Variants in PON3 observed in about 807,000 individuals in gnomAD.
The protein encoded by PON3 is paraoxonase 3.
In PON3, 37 loss-of-function variants were observed where a neutral mutation model predicts 36.3. The observed-to-expected ratio is 1.02, with a 90% confidence interval of 0.78 to 1.34. The LOEUF (loss-of-function observed/expected upper bound fraction) is 1.34. Among genes scored for constraint, PON3 ranks in the 40% most tolerant of loss-of-function variants. The pLI is 0.00. For synonymous variants in PON3, 155 were observed against 154.8 expected (o/e 1.00, Z -0.01); for missense variants, 415 against 426.5 (o/e 0.97, Z 0.24).
chr7:95,382,222 T>C (rs1809074558), intron 3 of PON3, among the ~76,000 whole-genome samples: 1 of 152,204 alleles, frequency 6.6e-6, no homozygotes, highest in Non-Finnish European at 1.5e-5. Context: ...GGGAAATTTA[T>C]AGCACTAAAT....
At chr7:95,380,502 C>A (rs1809022822) in intron 3 of PON3, among the ~76,000 whole-genome samples, 1 of 152,078 alleles carries the variant, frequency 6.6e-6, no homozygotes, top group Non-Finnish European at 1.5e-5. Context: ...CAGAGAAGTC[C>A]TTAAAGGACC....
intron 3 of PON3, among the ~76,000 whole-genome samples, chr7:95,388,376 A>T (rs187917013): frequency 2.6e-4 from 40 of 152,368 alleles, no homozygotes; most frequent in Non-Finnish European, 5.0e-4. Flanking sequence ...ATGTAAATGA[A>T]AACCACAATG....
chr7:95,369,452 T>G (rs1808762387), intron 4 of PON3, among the ~76,000 whole-genome samples: 1 of 152,022 alleles, frequency 6.6e-6, no homozygotes, highest in African/African-American at 2.4e-5. Context: ...GGAAAGAAAA[T>G]TCCTATCCTT....
intron 3 of PON3, among the ~76,000 whole-genome samples, chr7:95,389,212 C>A (rs1179933618): frequency 2.6e-5 from 4 of 152,168 alleles, no homozygotes; most frequent in African/African-American, 9.7e-5. Context: ...CCCACACAGA[C>A]TAGCACCAGT....
At chr7:95,385,544 G>T (rs1809169765) in intron 3 of PON3, among the ~76,000 whole-genome samples, 1 of 151,984 alleles carries the variant, frequency 6.6e-6, no homozygotes, top group African/African-American at 2.4e-5. Flanking sequence ...TCCAGGACTT[G>T]AACTCAGCTC....
chr7:95,395,873 T>G (rs953897995), intron 1 of PON3: 6 of 298,940 alleles, frequency 2.0e-5, no homozygotes, highest in African/African-American at 1.3e-4. Flanking sequence ...GGGCAATGTC[T>G]CAGTCAGCCG....
intron 5 of PON3, among the ~76,000 whole-genome samples, chr7:95,367,081 G>A (rs185835212): frequency 1.2e-4 from 18 of 152,302 alleles, no homozygotes; most frequent in East Asian, 1.2e-3. Flanking sequence ...TTGAGTTGCC[G>A]TGGTAAAGAG....
intron 2 of PON3, among the ~76,000 whole-genome samples, chr7:95,394,304 A>AG (rs11378129): frequency 1 from 152,108 of 152,156 alleles, 76,030 homozygotes; most frequent in Middle Eastern, 1. Context: ...GAAAGAAGAA[A>AG]GAAGCAAAAA....
chr7:95,363,762 T>A (rs1808628912), intron 6 of PON3, 101 bp downstream of exon 6: 1 of 1,135,810 alleles, frequency 8.8e-7, no homozygotes, highest in Non-Finnish European at 1.3e-6. Context: ...CACACATATA[T>A]TCACTACGTA....
chr7:95,396,336 C>T lies in PON3; in HGVS notation c.15G>A (p.Val5=). The change falls in exon 1 of 9, where the codon GTG becomes GTA. Residue 5 remains valine (V), a synonymous_variant. Coordinates refer to ENST00000265627, the MANE Select transcript of PON3 (RefSeq NM_000940.3). ...GGCCGACCCCCAGCAGGACCAGCGCCACGAGCTTCCCCATGGTCTCGGGGT... is the reference window on the plus strand; with the variant it reads ...GGCCGACCCCCAGCAGGACCAGCGCTACGAGCTTCCCCATGGTCTCGGGGT... MGKL[V]ALVLLGVGLS... is the part of the protein sequence containing the mutation. 1 of 1,614,020 alleles carries T rather than the reference C, an allele frequency of 6.2e-7. No homozygotes were observed. The highest frequency in any genetic ancestry group is 8.5e-7 in the Non-Finnish European group (1 of 1,179,960).
intron 2 of PON3, among the ~76,000 whole-genome samples, chr7:95,393,744 T>C (rs192811910): frequency 4.6e-5 from 7 of 152,130 alleles, no homozygotes; most frequent in Non-Finnish European, 7.4e-5. Flanking sequence ...ACGACAGAAA[T>C]GTAAAATAGA....
chr7:95,375,458 A>C (rs1377733180), intron 3 of PON3, among the ~76,000 whole-genome samples: 1 of 151,944 alleles, frequency 6.6e-6, no homozygotes, highest in Non-Finnish European at 1.5e-5. Flanking sequence ...TGAGGCCTAG[A>C]AGAGTGATTT....
Position 95,388,259 on chromosome 7 carries a change from C to A in PON3, c.201+1895G>T, listed in dbSNP as rs528214372. 3.3e-5 allele frequency among the ~76,000 whole-genome samples: 5 copies of A among 152,216 alleles called. No individual in the cohort carries two copies. The East Asian group carries it at 9.7e-4, about 29-fold the overall frequency. On this transcript the variant is annotated intron_variant, in intron 3 of 8. Transcript: ENST00000265627. ...AAATTTACAAGAAAAAAACAAAGAA[C>A]CCCGTCAAAAAGTGGGCAAAGAATA...
chr7:95,390,435 C>T (rs970645771), intron 2 of PON3, among the ~76,000 whole-genome samples: 1 of 152,140 alleles, frequency 6.6e-6, no homozygotes. Flanking sequence ...TTTAGAACCC[C>T]ATTTTCAGGA....
At chr7:95,383,148 A>C (rs1809100776) in intron 3 of PON3, among the ~76,000 whole-genome samples, 1 of 152,220 alleles carries the variant, frequency 6.6e-6, no homozygotes, top group African/African-American at 2.4e-5. Context: ...GACAAAATTC[A>C]ACAGCCCTTC....
intron 7 of PON3, 55 bp from the exon 8 acceptor site, chr7:95,362,545 TCCCTATTCATCCCCACAAC>T: frequency 6.2e-7 from 1 of 1,609,986 alleles, no homozygotes; most frequent in Non-Finnish European, 8.5e-7. Flanking sequence ...CTCGCTTTCT[TCCCTATTCATCCCCACAAC>T]CCCTACAGCT....
At chr7:95,386,084 G>A (rs1209982141) in intron 3 of PON3, among the ~76,000 whole-genome samples, 1 of 152,092 alleles carries the variant, frequency 6.6e-6, no homozygotes, top group Non-Finnish European at 1.5e-5. Flanking sequence ...ACAGAAGCAA[G>A]AGCAAACAAA....
chr7:95,376,253 G>T (rs561833615), intron 3 of PON3, among the ~76,000 whole-genome samples: 1 of 152,226 alleles, frequency 6.6e-6, no homozygotes, highest in Non-Finnish European at 1.5e-5. Flanking sequence ...AGCTGGCAAA[G>T]TGTGAAGAAG....
chr7:95,379,896 G>A (rs1428112688), intron 3 of PON3, among the ~76,000 whole-genome samples: 1 of 152,228 alleles, frequency 6.6e-6, no homozygotes, highest in Non-Finnish European at 1.5e-5. Flanking sequence ...AGAACAGAAA[G>A]ACTGCCTCCT....
Sources: gnomAD v4.1 joint callset for allele counts (sites outside exome capture counted in the v4.1 genomes callset) on GRCh38, gnomAD v4.1.1 for gene constraint, MANE v1.5 for transcripts, NCBI Gene and HGNC (gene_info 2026-07-23, HGNC 2026-07-21) for gene names.